The following WNT6 variants were observed in gnomAD, a reference collection of about 807,000 sequenced individuals.
WNT6 encodes the protein Wnt family member 6, also known as protein Wnt-6.
A neutral mutation model predicts 33.1 loss-of-function variants in WNT6; 27 were observed. That is an observed-to-expected ratio of 0.82 (90% CI 0.60 to 1.12). WNT6 has a LOEUF of 1.12. WNT6 is among the 50% of genes most tolerant of loss of function. The pLI is 0.00. For missense variants in WNT6, 494 were observed against 535.3 expected (o/e 0.92, Z 0.76); for synonymous variants, 249 against 242.8 (o/e 1.03, Z -0.24).
chr2:218,870,177 C>T (rs931055488), intron 1 of WNT6, among the ~76,000 whole-genome samples: 5 of 151,332 alleles, frequency 3.3e-5, no homozygotes, highest in Non-Finnish European at 4.4e-5. Flanking sequence ...GCTGGGAGCC[C>T]GCCACTGCAC....
chr2:218,863,695 A>C (rs1210836962), intron 1 of WNT6, among the ~76,000 whole-genome samples: 1 of 152,086 alleles, frequency 6.6e-6, no homozygotes, highest in Non-Finnish European at 1.5e-5. Flanking sequence ...CTAAAAATAC[A>C]AAAATTAGCC....
chr2:218,874,128 A>C lies in WNT6; in HGVS notation c.*283A>C. On this transcript the variant is annotated 3_prime_UTR_variant, in exon 4 of 4. Transcript: ENST00000233948. ...CCTCTAGGAGGAAACAGTTTTTTAGACTGGAAAAAAGCCAGTCTAAAGGCC... is the reference window on the plus strand; with the variant it reads ...CCTCTAGGAGGAAACAGTTTTTTAGCCTGGAAAAAAGCCAGTCTAAAGGCC... The C allele has an allele frequency of 2.4e-6, 1 of 417,980 alleles. No homozygotes were observed. The highest frequency in any genetic ancestry group is 4.2e-6 in the Non-Finnish European group (1 of 240,474). 25.9% of individuals were successfully genotyped at this position (417,980 alleles called of 1,614,324 possible). A position where few individuals can be genotyped will look rare whatever the true frequency, so the allele number is the denominator to read the frequency against.
chr2:218,873,898 G>A lies in WNT6; in HGVS notation c.*53G>A, dbSNP rs932981603. 651 of 1,392,300 alleles carry A rather than the reference G, an allele frequency of 4.7e-4. No individual in the cohort carries two copies. Among genetic ancestry groups the A allele is most frequent in the Non-Finnish European group, 5.6e-4 (603 of 1,077,990 alleles). 86.2% of individuals were successfully genotyped at this position (1,392,300 alleles called of 1,614,324 possible). ...CGCGCAGCGGTGGCTCGCACCTGTG[G>A]GACCTCAGGGCACCGGCACCGGGCG... On this transcript the variant is annotated 3_prime_UTR_variant, in exon 4 of 4. Coordinates refer to ENST00000233948, the MANE Select transcript of WNT6 (RefSeq NM_006522.4). The surrounding 1 kb of genome is among the most constrained non-coding windows in gnomAD (Gnocchi z 6.1).
intron 1 of WNT6, among the ~76,000 whole-genome samples, chr2:218,866,755 T>A (rs559781168): frequency 2.0e-5 from 3 of 152,266 alleles, no homozygotes; most frequent in African/African-American, 7.2e-5. Context: ...AACAAGCAAA[T>A]GGCAGAGCCC....
chr2:218,872,856 C>T (rs1944415326), intron 3 of WNT6, among the ~76,000 whole-genome samples: 1 of 152,068 alleles, frequency 6.6e-6, no homozygotes. Context: ...AGGCATCGGG[C>T]AGGGGGAGGA....
Position 218,871,525 on chromosome 2 carries a change from C to A in WNT6, c.342C>A (p.Ala114=), listed in dbSNP as rs749322330. Residue 114 remains alanine (A), a synonymous_variant, in exon 3 of 4, where the codon GCC becomes GCA. Transcript: ENST00000233948. The surrounding 1 kb of genome is among the most constrained non-coding windows in gnomAD (Gnocchi z 6.4). ...CCTTCGTGTTCGCCATCACTGCGGC[C>A]GGCGCCAGCCACGCCGTCACGCAGG... is the stretch of plus-strand genomic sequence containing the variant. ...ETAFVFAITA[A]GASHAVTQAC... is the part of the protein sequence containing the mutation. 2.5e-6 allele frequency: 4 copies of A among 1,597,168 alleles called. No individual in the cohort carries two copies. The East Asian group carries it at 8.9e-5, about 36-fold the overall frequency.
chr2:218,863,692 T>C (rs1944329699), intron 1 of WNT6, among the ~76,000 whole-genome samples: 2 of 152,152 alleles, frequency 1.3e-5, no homozygotes, highest in South Asian at 4.2e-4. Context: ...CTACTAAAAA[T>C]ACAAAAATTA....
intron 1 of WNT6, among the ~76,000 whole-genome samples, chr2:218,864,084 A>G (rs1944332947): frequency 6.6e-6 from 1 of 151,890 alleles, no homozygotes; most frequent in Non-Finnish European, 1.5e-5. Context: ...CCAGTTCCCC[A>G]CTTCCGCTCT....
chr2:218,860,287 G>T (rs532758784), intron 1 of WNT6, among the ~76,000 whole-genome samples, 170 bp downstream of exon 1: 3 of 152,086 alleles, frequency 2.0e-5, no homozygotes, highest in African/African-American at 7.2e-5. Context: ...CCTAACCCTC[G>T]GGAACATTCT....
In WNT6 at chr2:218,860,097, G is replaced by T; in HGVS notation, c.60G>T (p.Ala20=). The change falls in exon 1 of 4, where the codon GCG becomes GCT. Residue 20 remains alanine, a synonymous_variant. Coordinates refer to ENST00000233948, the MANE Select transcript of WNT6 (RefSeq NM_006522.4). ...GLLLLLLLCP[A]HVGGLWWAVG... is the part of the protein sequence containing the mutation. ...TGCTGCTGCTGCTCCTGTGCCCGGCGCACGTCGGCGGACTGTGGTGGTGAG... is the reference window on the plus strand; with the variant it reads ...TGCTGCTGCTGCTCCTGTGCCCGGCTCACGTCGGCGGACTGTGGTGGTGAG... 6.6e-7 allele frequency: 1 copy of T among 1,525,430 alleles called. No individual in the cohort carries two copies. The highest frequency in any genetic ancestry group is 8.8e-7 in the Non-Finnish European group (1 of 1,141,202). The allele number at this position is 1,525,430 out of a possible 1,614,324, so 94.5% of individuals were successfully genotyped here. A position where few individuals can be genotyped will look rare whatever the true frequency, so the allele number is the denominator to read the frequency against.
chr2:218,872,677 T>G (rs758112803), intron 3 of WNT6, among the ~76,000 whole-genome samples: 4 of 152,060 alleles, frequency 2.6e-5, no homozygotes, highest in Non-Finnish European at 4.4e-5. Flanking sequence ...CAGCGCTTGG[T>G]GGGTTTGGGA....
At chr2:218,872,981 T>C (rs1159514583) in intron 3 of WNT6, among the ~76,000 whole-genome samples, 1 of 151,676 alleles carries the variant, frequency 6.6e-6, no homozygotes, top group Non-Finnish European at 1.5e-5. Flanking sequence ...CAGCCCGGCC[T>C]GGGGGCCGTG....
intron 1 of WNT6, among the ~76,000 whole-genome samples, chr2:218,866,040 G>GC: frequency 6.6e-6 from 1 of 151,524 alleles, no homozygotes; most frequent in Non-Finnish European, 1.5e-5. Context: ...AGTAATTACC[G>GC]AGTTAGACAG....
rs1944432814 is a variant in WNT6, at chr2:218,874,080, G to A, written c.*235G>A. ...GCTCGGGGAGCGTTTAAAGGACACT[G>A]TACAGGCCCTCCCTCCCCTTGGCCT... On this transcript the variant is annotated 3_prime_UTR_variant, in exon 4 of 4. Coordinates refer to ENST00000233948, the MANE Select transcript of WNT6 (RefSeq NM_006522.4). 1.4e-5 allele frequency: 7 copies of A among 488,640 alleles called. No individual in the cohort carries two copies. The highest frequency in any genetic ancestry group is 2.5e-5 in the Non-Finnish European group (7 of 284,736). The allele number at this position is 488,640 out of a possible 1,614,324, so 30.3% of individuals were successfully genotyped here. A position where few individuals can be genotyped will look rare whatever the true frequency, so the allele number is the denominator to read the frequency against.
chr2:218,871,394 C>T lies in WNT6; in HGVS notation c.302-91C>T. On this transcript the variant is annotated intron_variant, in intron 2 of 3. Coordinates refer to ENST00000233948, the MANE Select transcript of WNT6 (RefSeq NM_006522.4). The surrounding 1 kb of genome is among the most constrained non-coding windows in gnomAD (Gnocchi z 6.4). ...CCTGCAAGGACCCTGCCTCCCAGGC[C>T]CCTGGGGCAGCCCTCCCGCCGCAGG... is the stretch of plus-strand genomic sequence containing the variant. 1 of 1,506,856 alleles carries T rather than the reference C, an allele frequency of 6.6e-7. No homozygotes were observed. The highest frequency in any genetic ancestry group is 1.2e-5 in the South Asian group (1 of 81,654). The allele number at this position is 1,506,856 out of a possible 1,614,324, so 93.3% of individuals were successfully genotyped here.
rs1399027131 is a variant in WNT6 at position 218,871,216 on chromosome 2, C to A, written c.270C>A (p.His90Gln). The A allele has an allele frequency of 6.2e-7, 1 of 1,613,260 alleles. No homozygotes were observed. Among genetic ancestry groups the A allele is most frequent in the African/African-American group, 1.3e-5 (1 of 74,938 alleles). Residue 90 changes from histidine to glutamine, a missense_variant, in exon 2 of 4, where the codon CAC becomes CAA. Coordinates refer to ENST00000233948, the MANE Select transcript of WNT6 (RefSeq NM_006522.4). This position sits in a 1 kb window ranked among gnomAD's most constrained non-coding sequence, Gnocchi z 6.4. ...FRFRRWNCSS[H>Q]SKAFGRILQQ... is the part of the protein sequence containing the mutation. ...TCCGCCGCTGGAATTGCTCCAGCCA[C>A]AGCAAGGCCTTTGGACGCATCCTGC... is the stretch of plus-strand genomic sequence containing the variant.
At chr2:218,861,410 C>T (rs187395655) in intron 1 of WNT6, among the ~76,000 whole-genome samples, 58 of 152,314 alleles carry the variant, frequency 3.8e-4, no homozygotes, top group African/African-American at 1.3e-3. Context: ...CACTTCCTTT[C>T]CCTACCTCTC....
Position 218,873,574 on chromosome 2 carries a change from T to A in WNT6, c.827T>A (p.Leu276His). Residue 276 changes from leucine to histidine, a missense_variant, in exon 4 of 4, where the codon CTC becomes CAC. Leu to His is a moderately conservative substitution (Grantham distance 99, BLOSUM62 -3). Transcript: ENST00000233948. This position sits in a 1 kb window ranked among gnomAD's most constrained non-coding sequence, Gnocchi z 6.1. ...GCCCTGCTGCCCGCCGTCCGCACGC[T>A]CAAGCCGCCGGGCCGAGCGGACCTC... The part of the protein sequence containing the change: ...GKALLPAVRT[L>H]KPPGRADLLY... 1 of 1,540,382 alleles carries A rather than the reference T, an allele frequency of 6.5e-7. No individual in the cohort carries two copies. The highest frequency in any genetic ancestry group is 8.7e-7 in the Non-Finnish European group (1 of 1,147,168).
At chr2:218,861,586 G>C (rs1944310706) in intron 1 of WNT6, among the ~76,000 whole-genome samples, 1 of 152,036 alleles carries the variant, frequency 6.6e-6, no homozygotes, top group Non-Finnish European at 1.5e-5. Context: ...AGTGAAAAAG[G>C]GGATTCATTT....
Sources: gnomAD v4.1 joint callset for allele counts (sites outside exome capture counted in the v4.1 genomes callset) on GRCh38, gnomAD v4.1.1 for gene constraint, Gnocchi (gnomAD v3.1) non-coding constraint, MANE v1.5 for transcripts, NCBI Gene and HGNC (gene_info 2026-07-23, HGNC 2026-07-21) for gene names.